KIF13B: variants seen among roughly 807,000 people sequenced by gnomAD.
The protein encoded by KIF13B is kinesin family member 13B.
Under a neutral mutation model 222.0 loss-of-function variants are expected in KIF13B, and 127 were observed. That is an observed-to-expected ratio of 0.57 (90% confidence interval 0.50 to 0.66). KIF13B has a LOEUF of 0.66. Among genes scored for constraint, KIF13B ranks in the 30% least tolerant of loss-of-function variants. The pLI is 0.00. For synonymous variants in KIF13B, 976 were observed against 919.0 expected (o/e 1.06, Z -1.12); for missense variants, 2,173 against 2,379.0 (o/e 0.91, Z 1.80).
intron 2 of KIF13B, among the ~76,000 whole-genome samples, chr8:29,241,345 A>C (rs1388276029): frequency 6.6e-6 from 1 of 152,242 alleles, no homozygotes; most frequent in African/African-American, 2.4e-5. Context: ...AGTGTAATAA[A>C]AACCACTGAA....
chr8:29,224,338 C>T (rs1814915953), intron 2 of KIF13B, among the ~76,000 whole-genome samples: 1 of 152,134 alleles, frequency 6.6e-6, no homozygotes, highest in Admixed American at 6.5e-5. Flanking sequence ...GGCTTTTTCC[C>T]TAAGTATTTA....
At chr8:29,261,054 A>C (rs1362361079) in intron 1 of KIF13B, among the ~76,000 whole-genome samples, 1 of 152,184 alleles carries the variant, frequency 6.6e-6, no homozygotes, top group East Asian at 1.9e-4. Flanking sequence ...GAAAAGAACA[A>C]ATTTATGTGT....
At chr8:29,078,188 G>A (rs566874529) in intron 37 of KIF13B, among the ~76,000 whole-genome samples, 23 of 149,376 alleles carry the variant, frequency 1.5e-4, no homozygotes, top group East Asian at 7.8e-4. Flanking sequence ...CCAGCTACTC[G>A]GGAGGCTGAG....
chr8:29,202,173 G>A (rs776178686), intron 2 of KIF13B, among the ~76,000 whole-genome samples: 11 of 152,276 alleles, frequency 7.2e-5, no homozygotes, highest in Middle Eastern at 3.4e-3. Context: ...TAGCTGGAGC[G>A]GGTAAGATGA....
In KIF13B at chr8:29,068,571, C is replaced by A. The variant is rs1807106832; in HGVS notation, c.*1933G>T. The A allele has an allele frequency of 6.6e-6, 1 of 152,330 alleles. No individual in the cohort carries two copies. Among genetic ancestry groups the A allele is most frequent in the Non-Finnish European group, 1.5e-5 (1 of 68,114 alleles). The allele number at this position is 152,330 out of a possible 1,614,324, so 9.4% of individuals were successfully genotyped here. On this transcript the variant is annotated 3_prime_UTR_variant, in exon 40 of 40. Coordinates refer to ENST00000524189, the MANE Select transcript of KIF13B (RefSeq NM_015254.4). The surrounding 1 kb of genome is among the most constrained non-coding windows in gnomAD (Gnocchi z 4.4). ...CCCCCAGGACTTTCCCAAGATGGTGCTACAGGAGGCCGCTGCTGGGTGGAT... is the reference window on the plus strand; with the variant it reads ...CCCCCAGGACTTTCCCAAGATGGTGATACAGGAGGCCGCTGCTGGGTGGAT...
At chr8:29,170,499 C>A (rs769765880) in intron 10 of KIF13B, among the ~76,000 whole-genome samples, 7 of 151,986 alleles carry the variant, frequency 4.6e-5, no homozygotes, top group Non-Finnish European at 7.4e-5. Flanking sequence ...CAGCAGAGAG[C>A]CAAATCTTGA....
chr8:29,225,966 G>C (rs561805981), intron 2 of KIF13B, among the ~76,000 whole-genome samples: 1 of 152,364 alleles, frequency 6.6e-6, no homozygotes, highest in South Asian at 2.1e-4. Context: ...TTAAGGTCAA[G>C]AGCATGACTG....
At chr8:29,263,135 G>A (rs1475844185), upstream of KIF13B, 1 of 1,118,854 alleles carries the variant, frequency 8.9e-7, no homozygotes, top group Non-Finnish European at 1.3e-6. Flanking sequence ...GGAGCCGGGG[G>A]TGGGGACCGG....
intron 36 of KIF13B, among the ~76,000 whole-genome samples, chr8:29,098,328 T>C (rs188408708): frequency 1.0e-3 from 155 of 151,606 alleles, no homozygotes; most frequent in African/African-American, 3.7e-3. Context: ...ACTTGCCGGG[T>C]GCAGTAGCTC....
intron 4 of KIF13B, 83 bp downstream of exon 4, chr8:29,190,914 T>A (rs374866374): frequency 9.6e-7 from 1 of 1,046,516 alleles, no homozygotes; most frequent in Non-Finnish European, 1.5e-6. Flanking sequence ...TTTGGGGGGT[T>A]TGCCAAGCAA....
intron 2 of KIF13B, among the ~76,000 whole-genome samples, chr8:29,230,308 C>T (rs530122470): frequency 2.0e-5 from 3 of 152,192 alleles, no homozygotes; most frequent in Non-Finnish European, 2.9e-5. Flanking sequence ...TAAACTCCCT[C>T]GCAGCACCTC....
intron 2 of KIF13B, among the ~76,000 whole-genome samples, chr8:29,205,097 G>A (rs1586923159): frequency 6.6e-6 from 1 of 152,170 alleles, no homozygotes; most frequent in African/African-American, 2.4e-5. Context: ...GCAAAGGCAG[G>A]AGGATCGCTT....
chr8:29,218,984 G>A (rs1213478595), intron 2 of KIF13B: 1 of 152,260 alleles, frequency 6.6e-6, no homozygotes, highest in African/African-American at 2.4e-5. Context: ...GCTTCAGTCA[G>A]CTCCTCAGAG....
intron 2 of KIF13B, among the ~76,000 whole-genome samples, chr8:29,196,798 T>C (rs1432052817): frequency 5.9e-5 from 9 of 152,104 alleles, no homozygotes; most frequent in Non-Finnish European, 1.0e-4. Flanking sequence ...TGCTTAACAG[T>C]TGCACATCCC....
chr8:29,089,252 G>A (rs7817447), intron 37 of KIF13B, among the ~76,000 whole-genome samples: 66,363 of 152,016 alleles, frequency 0.44, 16,107 homozygotes, highest in Non-Finnish European at 0.56. Context: ...GGGCAACACA[G>A]CGAGACTCTG....
rs75581001 is a variant in KIF13B, at chr8:29,213,160, T to C, written c.150-16961A>G. Among the ~76,000 whole-genome samples the C allele has an allele frequency of 7.2e-5, 11 of 152,212 alleles. No individual in the cohort carries two copies. The East Asian group carries it at 2.1e-3, about 29-fold the overall frequency. On this transcript the variant is annotated intron_variant, in intron 2 of 39. Transcript: ENST00000524189. ...CCTCTCTGCAACTTCAGTAGTAAAG[T>C]AGGGTCACTACCTACATAACATACT... is the stretch of plus-strand genomic sequence containing the variant.
intron 13 of KIF13B, 97 bp from the exon 14 acceptor site, chr8:29,155,953 T>C (rs1002139040): frequency 3.1e-6 from 3 of 963,654 alleles, no homozygotes; most frequent in African/African-American, 3.3e-5. Flanking sequence ...CCTATTACCT[T>C]TGCGAAAATT....
At chr8:29,199,593 A>G (rs943421953) in intron 2 of KIF13B, among the ~76,000 whole-genome samples, 16 of 147,566 alleles carry the variant, frequency 1.1e-4, no homozygotes, top group African/African-American at 3.8e-4. Context: ...AAAAAAAAAA[A>G]AAGAAAGAAA....
chr8:29,260,477 CTT>C (rs1262701114), intron 1 of KIF13B, among the ~76,000 whole-genome samples: 4 of 152,118 alleles, frequency 2.6e-5, no homozygotes, highest in South Asian at 2.1e-4. Flanking sequence ...AAGTTTTACT[CTT>C]TGTCATAATT....
Sources: allele counts gnomAD v4.1 joint callset (sites outside exome capture counted in the v4.1 genomes callset), GRCh38; gene constraint gnomAD v4.1.1; non-coding constraint Gnocchi (gnomAD v3.1); transcripts MANE v1.5; gene names NCBI Gene and HGNC (gene_info 2026-07-23, HGNC 2026-07-21).